The following TNRC6B variants were observed in gnomAD, a reference collection of about 807,000 sequenced individuals.
TNRC6B encodes trinucleotide repeat-containing gene 6B protein.
Under a neutral mutation model 203.6 loss-of-function variants are expected in TNRC6B, and 52 were observed. The observed-to-expected ratio is 0.26, with a 90% CI of 0.20 to 0.32. TNRC6B has a LOEUF of 0.32. Among genes scored for constraint, TNRC6B ranks in the 10% least tolerant of loss-of-function variants. The pLI is 1.00. For missense variants in TNRC6B, 1,923 were observed against 2,286.2 expected (o/e 0.84, Z 3.24); for synonymous variants, 838 against 845.7 (o/e 0.99, Z 0.16).
At chr22:40,274,865 G>A (rs2070617122) in intron 7 of TNRC6B, among the ~76,000 whole-genome samples, 2 of 152,082 alleles carry the variant, frequency 1.3e-5, no homozygotes, top group South Asian at 4.1e-4. Context: ...CAGTGTCTTC[G>A]CAGACCCTCT....
chr22:40,249,566 C>T (rs1286345511), intron 2 of TNRC6B, among the ~76,000 whole-genome samples: 1 of 152,166 alleles, frequency 6.6e-6, no homozygotes, highest in Non-Finnish European at 1.5e-5. Flanking sequence ...CAGCTTCTCG[C>T]CGTCTGGGGG....
rs139225737 is a variant in TNRC6B, at chr22:40,130,924, C to G, written c.45+5062C>G. On this transcript the variant is annotated intron_variant, in intron 3 of 23. Transcript: ENST00000301923. ...GGTATAGAAGTCTTTTTTTTTGAGA[C>G]AGAGTCTCGCTCTGTTGCCCAGGCT... Among the ~76,000 whole-genome samples, 922 of 149,676 alleles carry G rather than the reference C, an allele frequency of 6.2e-3. 4 individuals carry two copies. The highest frequency in any genetic ancestry group is 0.021 in the African/African-American group (869 of 40,684).
At chr22:40,169,465 C>G (rs778117575) in intron 4 of TNRC6B, among the ~76,000 whole-genome samples, 3 of 152,036 alleles carry the variant, frequency 2.0e-5, no homozygotes, top group Admixed American at 6.6e-5. Context: ...ATTGGCCTTA[C>G]GATATTTCAT....
At chr22:40,257,703 C>A (rs1343602692) in intron 3 of TNRC6B, among the ~76,000 whole-genome samples, 1 of 148,872 alleles carries the variant, frequency 6.7e-6, no homozygotes, top group African/African-American at 2.5e-5. Context: ...GCAACAAGAG[C>A]GAAACTCCGC....
intron 15 of TNRC6B, among the ~76,000 whole-genome samples, chr22:40,306,684 T>TA (rs896019955): frequency 2.6e-5 from 4 of 151,912 alleles, no homozygotes; most frequent in African/African-American, 9.7e-5. Flanking sequence ...AACTCTTCTT[T>TA]AAAAAAAATA....
intron 4 of TNRC6B, among the ~76,000 whole-genome samples, chr22:40,168,214 A>G (rs1369109951): frequency 6.6e-6 from 1 of 152,228 alleles, no homozygotes; most frequent in African/African-American, 2.4e-5. Context: ...ACCTAGGTTC[A>G]TAGTATTCAT....
chr22:40,045,374 C>T (rs1212576531), intron 1 of TNRC6B: 1 of 149,322 alleles, frequency 6.7e-6, no homozygotes, highest in Non-Finnish European at 1.5e-5. Flanking sequence ...GGGCGTCACG[C>T]GCCAGCAGGT....
chr22:40,308,801 T>C (rs935000215), intron 16 of TNRC6B, among the ~76,000 whole-genome samples, 152 bp downstream of exon 16: 9 of 152,252 alleles, frequency 5.9e-5, no homozygotes, highest in African/African-American at 2.2e-4. Context: ...ATGTGTATGT[T>C]GAATTACAAG....
At chr22:40,130,230 C>T (rs1272388380) in intron 3 of TNRC6B, among the ~76,000 whole-genome samples, 1 of 152,152 alleles carries the variant, frequency 6.6e-6, no homozygotes, top group East Asian at 1.9e-4. Flanking sequence ...GCTTAACGGG[C>T]CTCGTACTGC....
chr22:40,312,448 C>T, intron 17 of TNRC6B, 57 bp from the exon 18 acceptor site: 1 of 1,530,866 alleles, frequency 6.5e-7, no homozygotes, highest in East Asian at 2.3e-5. Flanking sequence ...AAAAAAAGTA[C>T]TATATCATTT....
chr22:40,326,073 A>G lies in TNRC6B; in HGVS notation c.*2832A>G, dbSNP rs2071398596. On this transcript the variant is annotated 3_prime_UTR_variant, in exon 23 of 23. Coordinates refer to ENST00000454349, the MANE Select transcript of TNRC6B (RefSeq NM_001162501.2). ...TGCGTATATATATACATATAAATAT[A>G]TATTTTAGATGAAGACTAACTCTGG... is the stretch of plus-strand genomic sequence containing the variant. 6.6e-6 allele frequency: 1 copy of G among 152,410 alleles called. No individual in the cohort carries two copies. The highest frequency in any genetic ancestry group is 1.5e-5 in the Non-Finnish European group (1 of 68,012). 9.4% of individuals were successfully genotyped at this position (152,410 alleles called of 1,614,324 possible).
chr22:40,121,601 C>A (rs6001777), intron 2 of TNRC6B, among the ~76,000 whole-genome samples: 1,788 of 152,344 alleles, frequency 0.012, 36 homozygotes, highest in African/African-American at 0.041. Flanking sequence ...GAGGCCAGCA[C>A]AGCTGGCATT....
rs1357277350 is a variant in TNRC6B at position 40,326,616 on chromosome 22, TCTC to T, written c.*3378_*3380del. 2 of 152,332 alleles carry T rather than the reference TCTC, an allele frequency of 1.3e-5. No homozygotes were observed. The allele number at this position is 152,332 out of a possible 1,614,324, so 9.4% of individuals were successfully genotyped here. On this transcript the variant is annotated 3_prime_UTR_variant, in exon 23 of 23. Coordinates refer to ENST00000454349, the MANE Select transcript of TNRC6B (RefSeq NM_001162501.2). ...ATTTTTATTTTTTTAAAGGAACCCTTCTCCTTGTCCCCACAACCCCAGCAACAA... is the reference window on the plus strand; with the variant it reads ...ATTTTTATTTTTTTAAAGGAACCCTTCTTGTCCCCACAACCCCAGCAACAA...
At position 40,133,735 on chromosome 22, in the gene TNRC6B, G is replaced by A. The variant is rs185172378; in HGVS notation, c.45+7873G>A. Among the ~76,000 whole-genome samples the A allele has an allele frequency of 1.9e-3, 283 of 152,186 alleles. 2 individuals are homozygous for A. Among genetic ancestry groups the A allele is most frequent in the Non-Finnish European group, 3.5e-3 (235 of 68,000 alleles). ...TGTAATCCCAGCACTTTGGGAGGCC[G>A]AGGCGAGCGGATCACCTGAGGTTGG... On this transcript the variant is annotated intron_variant, in intron 3 of 23. Transcript: ENST00000301923.
intron 1 of TNRC6B, among the ~76,000 whole-genome samples, chr22:40,097,000 A>T (rs1487976939): frequency 6.6e-6 from 1 of 152,184 alleles, no homozygotes; most frequent in Non-Finnish European, 1.5e-5. Flanking sequence ...TTCAGGAAAG[A>T]TACAGTGGAG....
At chr22:40,128,539 A>ATCACGGCTCACGGCTCACGGC (rs555957258) in intron 3 of TNRC6B, among the ~76,000 whole-genome samples, 5 of 147,890 alleles carry the variant, frequency 3.4e-5, no homozygotes, top group African/African-American at 7.8e-5. Context: ...TGGTGGTATG[A>ATCACGGCTCACGGCTCACGGC]TCACGGCTCA....
At chr22:40,204,149 T>A (rs2069448973) in intron 1 of TNRC6B, among the ~76,000 whole-genome samples, 1 of 152,266 alleles carries the variant, frequency 6.6e-6, no homozygotes, top group South Asian at 2.1e-4. Flanking sequence ...TCTTTAATTT[T>A]TAGAGGATAT....
chr22:40,179,768 A>G (rs879880657), intron 1 of TNRC6B, among the ~76,000 whole-genome samples: 2 of 152,192 alleles, frequency 1.3e-5, no homozygotes, highest in East Asian at 3.8e-4. Context: ...CAAAAGCTTT[A>G]TTCACTCTTA....
chr22:40,078,809 C>T (rs2068041565), intron 1 of TNRC6B, among the ~76,000 whole-genome samples: 1 of 151,628 alleles, frequency 6.6e-6, no homozygotes, highest in Non-Finnish European at 1.5e-5. Context: ...TGCGGTGGCT[C>T]GTGCCTGTAA....
Sources: gnomAD v4.1 joint callset for allele counts (sites outside exome capture counted in the v4.1 genomes callset) on GRCh38, gnomAD v4.1.1 for gene constraint, MANE v1.5 for transcripts, NCBI Gene and HGNC (gene_info 2026-07-23, HGNC 2026-07-21) for gene names.